The following C11orf65 variants were observed in gnomAD, a reference collection of about 807,000 sequenced individuals.
C11orf65 encodes chromosome 11 open reading frame 65.
In C11orf65, 38 loss-of-function variants were observed where a neutral mutation model predicts 35.3. That is an observed-to-expected ratio of 1.08 (90% CI 0.83 to 1.41). The LOEUF is 1.41. Ranked by LOEUF, C11orf65 falls within the 40% of genes most tolerant of loss-of-function variation. The pLI is 0.00. For synonymous variants in C11orf65, 105 were observed against 114.4 expected (o/e 0.92, Z 0.53); for missense variants, 370 against 367.1 (o/e 1.01, Z -0.06).
intron 2 of C11orf65, among the ~76,000 whole-genome samples, chr11:108,374,309 A>G (rs1404123891): frequency 6.6e-6 from 1 of 152,196 alleles, no homozygotes; most frequent in East Asian, 1.9e-4. Flanking sequence ...GAACGATCAG[A>G]CAGCAGCATT....
intron 6 of C11orf65, chr11:108,325,949 G>GTTAAGGA: frequency 2.2e-6 from 3 of 1,340,018 alleles, no homozygotes; most frequent in Non-Finnish European, 3.1e-6. Context: ...TCCCTGACAA[G>GTTAAGGA]TAGTTAAGTC....
chr11:108,372,631 G>A (rs1358890690), intron 2 of C11orf65, among the ~76,000 whole-genome samples: 1 of 152,144 alleles, frequency 6.6e-6, no homozygotes, highest in Non-Finnish European at 1.5e-5. Context: ...ATGGACAAGT[G>A]GACTTCACAG....
rs1010718237 is a variant in C11orf65, at chr11:108,388,759, G to A, written c.732-2784C>T. On this transcript the variant is annotated intron_variant, in intron 7 of 8. Coordinates refer to ENST00000393084, the MANE Select transcript of C11orf65 (RefSeq NM_152587.5). ...TAGGATGAATGCCAGCAAAAGCCACGGTAGCTGTCCTGTGGCATTGTGCAT... is the reference window on the plus strand; with the variant it reads ...TAGGATGAATGCCAGCAAAAGCCACAGTAGCTGTCCTGTGGCATTGTGCAT... Among the ~76,000 whole-genome samples, 5 of 152,184 alleles carry A rather than the reference G, an allele frequency of 3.3e-5. No individual in the cohort carries two copies. In the East Asian group the frequency reaches 7.7e-4, roughly 23 times the overall value.
At chr11:108,340,148 G>A (rs1464140388) in intron 2 of C11orf65, 2 of 149,284 alleles carry the variant, frequency 1.3e-5, no homozygotes, top group Non-Finnish European at 3.0e-5. Context: ...GAAACCTAGA[G>A]GCTTTATTTT....
chr11:108,336,128 C>G (rs2086824747), intron 2 of C11orf65: 2 of 536,016 alleles, frequency 3.7e-6, no homozygotes, highest in East Asian at 6.4e-5. Context: ...GAGACCCCAT[C>G]TTGACAAAAA....
chr11:108,356,936 G>T (rs1451637455), intron 2 of C11orf65, among the ~76,000 whole-genome samples: 2 of 152,194 alleles, frequency 1.3e-5, no homozygotes, highest in African/African-American at 2.4e-5. Flanking sequence ...CCTCCGGGAG[G>T]AGGAGCCAAG....
rs876660134 is a variant in C11orf65 at position 108,312,466 on chromosome 11, AAAAGT to A, written c.641-3400_641-3396del. 2 of 1,590,388 alleles carry A rather than the reference AAAAGT, an allele frequency of 1.3e-6. No homozygotes were observed. The highest frequency in any genetic ancestry group is 1.7e-6 in the Non-Finnish European group (2 of 1,158,724). On this transcript the variant is annotated intron_variant, in intron 6 of 6. Transcript: ENST00000525729. ...TACAACTATTTCTAGCTTGAGTGAA[AAAAGT>A]AAAGAAGAAACTGGAATAAGTTTAC...
At position 108,353,684 on chromosome 11, in the gene C11orf65, C is replaced by A. The variant is rs1213810506; in HGVS notation, c.227-18392G>T. The stretch of plus-strand genomic sequence containing the variant: ...AACGTAGGTAACATGTGGTTTCTTG[C>A]CTTTGTAAAGTTCACATTCTAACTG... On this transcript the variant is annotated intron_variant, in intron 2 of 3. Coordinates refer to the C11orf65 transcript ENST00000524755. 12 of 1,148,502 alleles carry A rather than the reference C, an allele frequency of 1.0e-5. No homozygotes were observed. The Admixed American group carries it at 2.0e-4, about 19-fold the overall frequency. The allele number at this position is 1,148,502 out of a possible 1,614,324, so 71.1% of individuals were successfully genotyped here. A position where few individuals can be genotyped will look rare whatever the true frequency, so the allele number is the denominator to read the frequency against.
chr11:108,435,403 G>C (rs1400121119), intron 2 of C11orf65, among the ~76,000 whole-genome samples: 1 of 152,146 alleles, frequency 6.6e-6, no homozygotes, highest in Non-Finnish European at 1.5e-5. Context: ...ATTACTACCA[G>C]TAGAAATTAA....
At chr11:108,371,378 TC>T (rs1163429778) in intron 2 of C11orf65, among the ~76,000 whole-genome samples, 1 of 152,134 alleles carries the variant, frequency 6.6e-6, no homozygotes, top group African/African-American at 2.4e-5. Context: ...ATTAAACAAC[TC>T]CCCACTCCTC....
At chr11:108,442,189 C>T (rs753676174) in intron 2 of C11orf65, among the ~76,000 whole-genome samples, 7 of 152,092 alleles carry the variant, frequency 4.6e-5, no homozygotes, top group Non-Finnish European at 1.0e-4. Context: ...GCACAAGCTT[C>T]AGTACCCGAT....
At chr11:108,408,893 T>C (rs988082618) in intron 3 of C11orf65, among the ~76,000 whole-genome samples, 3 of 151,942 alleles carry the variant, frequency 2.0e-5, no homozygotes, top group African/African-American at 7.2e-5. Context: ...TTATTCAACC[T>C]ATAGAGTCTT....
At chr11:108,427,582 C>A (rs1252396072) in intron 3 of C11orf65, among the ~76,000 whole-genome samples, 1 of 149,550 alleles carries the variant, frequency 6.7e-6, no homozygotes, top group Non-Finnish European at 1.5e-5. Context: ...ATTAGCCGGG[C>A]ATGGTGGCGC....
chr11:108,415,278 A>G (rs970091090), intron 3 of C11orf65, among the ~76,000 whole-genome samples: 1 of 152,158 alleles, frequency 6.6e-6, no homozygotes, highest in Admixed American at 6.5e-5. Context: ...CACAAGGTTA[A>G]TATACTAATC....
intron 2 of C11orf65, among the ~76,000 whole-genome samples, chr11:108,358,783 C>T (rs1445344183): frequency 1.6e-4 from 24 of 148,796 alleles, no homozygotes. Flanking sequence ...CCTAAAAGAG[C>T]TCCTGAAGGA....
intron 6 of C11orf65, among the ~76,000 whole-genome samples, chr11:108,323,327 T>C (rs1229536178): frequency 6.6e-6 from 1 of 152,188 alleles, no homozygotes; most frequent in Non-Finnish European, 1.5e-5. Flanking sequence ...AATGAAAGAT[T>C]ATCCTGCTGA....
chr11:108,345,711 G>T, intron 2 of C11orf65: 1 of 1,468,984 alleles, frequency 6.8e-7, no homozygotes, highest in South Asian at 1.3e-5. Flanking sequence ...ACACAATATT[G>T]AAAAATAATT....
intron 3 of C11orf65, among the ~76,000 whole-genome samples, chr11:108,407,430 G>T (rs2092562423): frequency 1.3e-5 from 2 of 151,654 alleles, no homozygotes; most frequent in Admixed American, 6.6e-5. Context: ...TCCCATCTCA[G>T]CCTCCCAGAT....
chr11:108,460,924 C>T (rs2093466545), intron 2 of C11orf65, among the ~76,000 whole-genome samples: 1 of 152,006 alleles, frequency 6.6e-6, no homozygotes, highest in Non-Finnish European at 1.5e-5. Flanking sequence ...AGGGTCTCTC[C>T]ATGTTCGTCA....
Sources: allele counts gnomAD v4.1 joint callset (sites outside exome capture counted in the v4.1 genomes callset), GRCh38; gene constraint gnomAD v4.1.1; transcripts MANE v1.5; gene names NCBI Gene and HGNC (gene_info 2026-07-23, HGNC 2026-07-21).